The following GSE1 variants were observed in gnomAD, a reference collection of about 807,000 sequenced individuals.
The protein encoded by GSE1 is genetic suppressor element 1.
In GSE1, 32 loss-of-function variants were observed where a neutral mutation model predicts 112.6. The observed-to-expected ratio is 0.28, with a 90% CI of 0.21 to 0.38. The LOEUF is 0.38. GSE1 is among the 10% of genes least tolerant of loss of function. The probability of loss-of-function intolerance (pLI) is 1.00; values close to 1 mark genes in which losing one functional copy is unlikely to be tolerated. For synonymous variants in GSE1, 1,115 were observed against 735.6 expected, an observed-to-expected ratio of 1.52 and a Z score of -8.35; for missense variants, 2,348 against 1,699.2, an observed-to-expected ratio of 1.38 and a Z score of -6.71.
chr16:85,439,336 G>T (rs1479157698), intron 2 of GSE1, among the ~76,000 whole-genome samples: 1 of 152,206 alleles, frequency 6.6e-6, no homozygotes, highest in Non-Finnish European at 1.5e-5. Context: ...GGGCGGCCTC[G>T]GGCGCTGGCC....
chr16:85,175,562 C>G (rs556097723), intron 1 of GSE1, among the ~76,000 whole-genome samples: 214 of 152,312 alleles, frequency 1.4e-3, no homozygotes, highest in African/African-American at 5.0e-3. Flanking sequence ...GTTGACGCCC[C>G]CTTCCCCCCG....
intron 2 of GSE1, among the ~76,000 whole-genome samples, chr16:85,483,278 G>A (rs553481789): frequency 2.6e-5 from 4 of 152,252 alleles, no homozygotes; most frequent in Non-Finnish European, 5.9e-5. Flanking sequence ...CTCAGCTGTC[G>A]TTCCCGCTGT....
At chr16:85,597,170 G>A (rs1048717864) in intron 1 of GSE1, among the ~76,000 whole-genome samples, 1 of 151,734 alleles carries the variant, frequency 6.6e-6, no homozygotes, top group Non-Finnish European at 1.5e-5. Flanking sequence ...GTAGAGAAGG[G>A]GTTTCGCCAT....
intron 1 of GSE1, among the ~76,000 whole-genome samples, chr16:85,304,570 A>G (rs543477550): frequency 7.9e-6 from 1 of 127,038 alleles, no homozygotes; most frequent in African/African-American, 2.8e-5. Context: ...TTTGAGATTG[A>G]AAAGCTGCAT....
At chr16:85,505,512 T>C (rs1025166395) in intron 2 of GSE1, among the ~76,000 whole-genome samples, 3 of 152,116 alleles carry the variant, frequency 2.0e-5, no homozygotes, top group Admixed American at 2.0e-4. Flanking sequence ...GATTTGAAGG[T>C]GCCGCTGTGG....
At position 85,311,010 on chromosome 16, in the gene GSE1, A is replaced by G. The variant is rs1372199875; in HGVS notation, c.2284-46453A>G. 1.3e-5 allele frequency among the ~76,000 whole-genome samples: 2 copies of G among 152,198 alleles called. No homozygotes were observed. Among genetic ancestry groups the G allele is most frequent in the African/African-American group, 4.8e-5 (2 of 41,468 alleles). ...AGGCAGGAGCAGTTTGAGGCTAAAT[A>G]TAAACCCAGCCGCCTTTCCGCGGCC... On this transcript the variant is annotated intron_variant, in intron 1 of 2. Coordinates refer to the GSE1 transcript ENST00000637419. This position sits in a 1 kb window ranked among gnomAD's most constrained non-coding sequence, Gnocchi z 4.2.
intron 1 of GSE1, among the ~76,000 whole-genome samples, chr16:85,342,153 TTGCTGTGGCTGTC>T (rs2046637216): frequency 2.0e-5 from 3 of 151,834 alleles, no homozygotes; most frequent in Admixed American, 1.3e-4. Flanking sequence ...CTGAGGCTGT[TTGCTGTGGCTGTC>T]ACTGTGTTTC....
At chr16:85,170,151 C>T in exon 1 of GSE1, 1 of 985,308 alleles carries the variant, frequency 1.0e-6, no homozygotes, top group Non-Finnish European at 1.2e-6. Context: ...GCGGGGGGCG[C>T]GGCCAGGAGT....
At chr16:85,452,587 C>G (rs532068295) in intron 2 of GSE1, among the ~76,000 whole-genome samples, 1 of 152,224 alleles carries the variant, frequency 6.6e-6, no homozygotes, top group African/African-American at 2.4e-5. Flanking sequence ...GCTGCTGCAT[C>G]TCAAAGGGCC....
intron 2 of GSE1, among the ~76,000 whole-genome samples, chr16:85,516,578 C>A (rs1267434599): frequency 7.0e-6 from 1 of 143,520 alleles, no homozygotes; most frequent in Admixed American, 7.0e-5. Flanking sequence ...ACAGAGGAGA[C>A]CCTGTCTCAA....
chr16:85,349,996 C>G (rs1307869950), intron 1 of GSE1, among the ~76,000 whole-genome samples: 1 of 152,212 alleles, frequency 6.6e-6, no homozygotes, highest in Admixed American at 6.5e-5. Context: ...ACAGAGGACA[C>G]ATGCTGGCCT....
At chr16:85,501,742 C>A (rs1436222972) in intron 2 of GSE1, among the ~76,000 whole-genome samples, 1 of 152,192 alleles carries the variant, frequency 6.6e-6, no homozygotes, top group South Asian at 2.1e-4. Flanking sequence ...CACAACACCC[C>A]CTTTTGGGTG....
chr16:85,307,851 G>A (rs1256011727), intron 1 of GSE1, among the ~76,000 whole-genome samples: 4 of 152,146 alleles, frequency 2.6e-5, no homozygotes, highest in Non-Finnish European at 5.9e-5. Flanking sequence ...ACTCTTCAAG[G>A]GCCTAGAGGT....
Position 85,215,455 on chromosome 16 carries a change from T to G in GSE1, c.2283+43648T>G, listed in dbSNP as rs989577854. Among the ~76,000 whole-genome samples, 16 of 152,302 alleles carry G rather than the reference T, an allele frequency of 1.1e-4. No individual in the cohort carries two copies. In the South Asian group the frequency reaches 2.3e-3, roughly 22 times the overall value. ...TAAAAACTACACCTTAGATACAGTG[T>G]ACGCTACCCAGTTGGCAGGTGCACT... is the stretch of plus-strand genomic sequence containing the variant. On this transcript the variant is annotated intron_variant, in intron 1 of 2. Coordinates refer to the GSE1 transcript ENST00000637419.
intron 2 of GSE1, among the ~76,000 whole-genome samples, chr16:85,400,285 TTG>T (rs558588215): frequency 1.4e-5 from 2 of 140,600 alleles, no homozygotes; most frequent in African/African-American, 5.3e-5. Context: ...GTGTGTGTAA[TTG>T]TGTGTGTGTG....
intron 2 of GSE1, among the ~76,000 whole-genome samples, chr16:85,415,554 C>G (rs1356687379): frequency 6.6e-6 from 1 of 152,244 alleles, no homozygotes; most frequent in East Asian, 1.9e-4. Flanking sequence ...GCCTTCTCAG[C>G]CCCCGTCCCC....
chr16:85,636,077 G>A (rs562335135), intron 2 of GSE1, among the ~76,000 whole-genome samples: 16 of 152,358 alleles, frequency 1.1e-4, no homozygotes, highest in South Asian at 4.1e-4. Context: ...GCCGCTGGGC[G>A]CCCCTGGCGG....
At chr16:85,594,084 CA>C (rs1187787619) in intron 1 of GSE1, 1 of 152,106 alleles carries the variant, frequency 6.6e-6, no homozygotes, top group Non-Finnish European at 1.5e-5. Flanking sequence ...GACTTCTTTG[CA>C]GAAAAGGGAG....
intron 2 of GSE1, among the ~76,000 whole-genome samples, chr16:85,500,092 T>TA (rs1314184632): frequency 6.6e-6 from 1 of 152,176 alleles, no homozygotes; most frequent in African/African-American, 2.4e-5. Context: ...GCAGTGGTGT[T>TA]AGTACTGTGG....
Sources: allele counts gnomAD v4.1 joint callset (sites outside exome capture counted in the v4.1 genomes callset), GRCh38; gene constraint gnomAD v4.1.1; non-coding constraint Gnocchi (gnomAD v3.1); transcripts MANE v1.5; gene names NCBI Gene and HGNC (gene_info 2026-07-23, HGNC 2026-07-21).